PRKN: variants seen among roughly 807,000 people sequenced by gnomAD.
PRKN encodes parkin RBR E3 ubiquitin protein ligase.
Under a neutral mutation model 59.5 loss-of-function variants are expected in PRKN, and 56 were observed. The observed-to-expected ratio is 0.94, with a 90% CI of 0.76 to 1.18. The LOEUF is 1.18. Ranked by LOEUF, PRKN falls within the 50% of genes most tolerant of loss-of-function variation. PRKN has a pLI of 0.00. For synonymous variants in PRKN, 250 were observed against 222.1 expected, an observed-to-expected ratio of 1.13 and a Z score of -1.12; for missense variants, 657 against 596.4, an observed-to-expected ratio of 1.10 and a Z score of -1.06.
At chr6:162,533,000 T>G (rs1778574287) in intron 1 of PRKN, among the ~76,000 whole-genome samples, 1 of 152,192 alleles carries the variant, frequency 6.6e-6, no homozygotes, top group Admixed American at 6.5e-5. Flanking sequence ...CAACCTAAAC[T>G]ACATCTTCTG....
intron 2 of PRKN, among the ~76,000 whole-genome samples, chr6:162,272,999 G>GAAAAAAAAAAAAAAAAAAAAAAA (rs548215878): frequency 1.8e-5 from 1 of 55,024 alleles, no homozygotes; most frequent in African/African-American, 6.6e-5. Context: ...GCCTGTGTCT[G>GAAAAAAAAAAAAAAAAAAAAAAA]AAAAAAAAAA....
rs1451395933 is a variant in PRKN at position 161,419,311 on chromosome 6, C to T, written c.1084-32434G>A. Among the ~76,000 whole-genome samples, 1 of 152,158 alleles carries T rather than the reference C, an allele frequency of 6.6e-6. No homozygotes were observed. Among genetic ancestry groups the T allele is most frequent in the East Asian group, 1.9e-4 (1 of 5,196 alleles). On this transcript the variant is annotated intron_variant, in intron 9 of 11. Coordinates refer to ENST00000366898, the MANE Select transcript of PRKN (RefSeq NM_004562.3). The surrounding 1 kb of genome is among the most constrained non-coding windows in gnomAD (Gnocchi z 4.1). ...ACAGTGGTAGAAAGTGACCAACTAGCAGTCAACCAGGAGATTTTTGGCCCT... is the reference window on the plus strand; with the variant it reads ...ACAGTGGTAGAAAGTGACCAACTAGTAGTCAACCAGGAGATTTTTGGCCCT...
Position 162,506,994 on chromosome 6 carries a change from A to G in PRKN, c.8-63521T>C, listed in dbSNP as rs996725178. 2.6e-5 allele frequency among the ~76,000 whole-genome samples: 4 copies of G among 152,224 alleles called. No homozygotes were observed. In the East Asian group the frequency reaches 7.7e-4, roughly 29 times the overall value. On this transcript the variant is annotated intron_variant, in intron 1 of 11. Coordinates refer to ENST00000366898, the MANE Select transcript of PRKN (RefSeq NM_004562.3). ...ATGAGTGAGCATAGTTATTTCAAGT[A>G]GCCTGATGGCAGAACAGGAGAGGGT...
At chr6:162,239,297 T>C (rs189759914) in intron 3 of PRKN, among the ~76,000 whole-genome samples, 168 of 152,322 alleles carry the variant, frequency 1.1e-3, no homozygotes, top group African/African-American at 3.9e-3. Flanking sequence ...CTATTTTATC[T>C]ATATTTTTCC....
intron 4 of PRKN, among the ~76,000 whole-genome samples, chr6:162,117,990 G>T (rs1780746106): frequency 6.6e-6 from 1 of 152,134 alleles, no homozygotes; most frequent in South Asian, 2.1e-4. Context: ...CAGCTAATTG[G>T]GAGGCTGAGG....
intron 1 of PRKN, among the ~76,000 whole-genome samples, chr6:162,455,131 T>C (rs2128172309): frequency 6.6e-6 from 1 of 152,228 alleles, no homozygotes; most frequent in African/African-American, 2.4e-5. Flanking sequence ...TCTCAGAAGA[T>C]CAGAGCTAAG....
chr6:161,988,292 G>C (rs536642407), intron 5 of PRKN, among the ~76,000 whole-genome samples: 2 of 152,066 alleles, frequency 1.3e-5, no homozygotes, highest in Non-Finnish European at 2.9e-5. Context: ...TTTGAGACCA[G>C]CCTGGCCAAC....
chr6:162,722,091 A>C (rs976831144), intron 1 of PRKN, among the ~76,000 whole-genome samples: 1 of 152,318 alleles, frequency 6.6e-6, no homozygotes, highest in East Asian at 1.9e-4. Flanking sequence ...CCACAAACTT[A>C]TTGGGAAGAA....
intron 9 of PRKN, among the ~76,000 whole-genome samples, chr6:161,522,268 G>T (rs550152491): frequency 6.6e-6 from 1 of 152,170 alleles, no homozygotes; most frequent in Non-Finnish European, 1.5e-5. Context: ...ACAAGAGACC[G>T]ATGACAGGCG....
intron 9 of PRKN, among the ~76,000 whole-genome samples, chr6:161,516,626 G>A (rs780193045): frequency 1.3e-5 from 2 of 151,234 alleles, no homozygotes; most frequent in Non-Finnish European, 2.9e-5. Flanking sequence ...TTAGGAGTTC[G>A]AGACCAGCCT....
intron 1 of PRKN, among the ~76,000 whole-genome samples, chr6:162,687,932 TA>T (rs1157915468): frequency 6.6e-6 from 1 of 152,012 alleles, no homozygotes; most frequent in Non-Finnish European, 1.5e-5. Context: ...GCTCTTAGAA[TA>T]AAAAAAGGAA....
chr6:162,211,108 T>C lies in PRKN; in HGVS notation c.413-9856A>G, dbSNP rs556633932. On this transcript the variant is annotated intron_variant, in intron 3 of 11. Transcript: ENST00000366898. Reference sequence around the variant, plus strand: ...AGCACAAGCTTTCCTTTTAACCACATGATAATAACCTTGAGTCAGACGGTG... The same window carrying C: ...AGCACAAGCTTTCCTTTTAACCACACGATAATAACCTTGAGTCAGACGGTG... Among the ~76,000 whole-genome samples the C allele has an allele frequency of 1.7e-4, 26 of 152,276 alleles. 2 individuals are homozygous for C. In the South Asian group the frequency reaches 5.4e-3, roughly 32 times the overall value.
chr6:162,218,836 T>A (rs1010309180), intron 3 of PRKN, among the ~76,000 whole-genome samples: 17 of 152,078 alleles, frequency 1.1e-4, no homozygotes, highest in African/African-American at 4.1e-4. Flanking sequence ...AGAACATCCA[T>A]CTTCTTACTT....
At chr6:162,172,559 C>A (rs1445085919) in intron 4 of PRKN, among the ~76,000 whole-genome samples, 1 of 152,158 alleles carries the variant, frequency 6.6e-6, no homozygotes, top group African/African-American at 2.4e-5. Context: ...TTCTTTATTT[C>A]TTCACCTGCA....
rs375881437 is a variant in PRKN at position 161,376,013 on chromosome 6, C to T, written c.1167+10781G>A. On this transcript the variant is annotated intron_variant, in intron 10 of 11. Transcript: ENST00000366898. The surrounding 1 kb of genome is among the most constrained non-coding windows in gnomAD (Gnocchi z 7.3). ...AGATCTCCGGGAATAATAAATTACA[C>T]CCATCTCCCAATACTGGGACTGCAT... Among the ~76,000 whole-genome samples the T allele has an allele frequency of 7.2e-5, 11 of 152,192 alleles. No individual in the cohort carries two copies. The East Asian group carries it at 7.7e-4, about 11-fold the overall frequency.
rs924329697 is a variant in PRKN, at chr6:161,399,234, C to G, written c.1084-12357G>C. ...GCCACATCCACCACTCAATAAAACC[C>G]TGCAGTCACCATCCTTCAAGTCCAT... On this transcript the variant is annotated intron_variant, in intron 9 of 11. Coordinates refer to ENST00000366898, the MANE Select transcript of PRKN (RefSeq NM_004562.3). This position sits in a 1 kb window ranked among gnomAD's most constrained non-coding sequence, Gnocchi z 4.4. Among the ~76,000 whole-genome samples, 27 of 152,172 alleles carry G rather than the reference C, an allele frequency of 1.8e-4. No individual in the cohort carries two copies. The highest frequency in any genetic ancestry group is 6.0e-4 in the African/African-American group (25 of 41,422).
At chr6:161,924,122 G>A (rs952628460) in intron 6 of PRKN, among the ~76,000 whole-genome samples, 6 of 152,134 alleles carry the variant, frequency 3.9e-5, no homozygotes, top group Non-Finnish European at 7.4e-5. Flanking sequence ...AAAAGAAACT[G>A]TCTCCTGGGA....
intron 5 of PRKN, among the ~76,000 whole-genome samples, chr6:161,991,531 C>T (rs1243533890): frequency 1.3e-5 from 2 of 152,110 alleles, no homozygotes; most frequent in South Asian, 2.1e-4. Flanking sequence ...TAATAAATGG[C>T]TAAATGAATT....
intron 4 of PRKN, among the ~76,000 whole-genome samples, chr6:162,084,830 T>C (rs965363404): frequency 3.3e-5 from 5 of 151,892 alleles, no homozygotes; most frequent in Admixed American, 3.3e-4. Context: ...CAAAGTTCAA[T>C]TATAAAATAG....
Sources: allele counts gnomAD v4.1 joint callset (sites outside exome capture counted in the v4.1 genomes callset), GRCh38; gene constraint gnomAD v4.1.1; non-coding constraint Gnocchi (gnomAD v3.1); transcripts MANE v1.5; gene names NCBI Gene and HGNC (gene_info 2026-07-23, HGNC 2026-07-21).